RREB1: variants seen among roughly 807,000 people sequenced by gnomAD.
RREB1 encodes the protein ras responsive element binding protein 1, also known as ras-responsive element-binding protein 1.
Under a neutral mutation model 117.8 loss-of-function variants are expected in RREB1, and 27 were observed. The observed-to-expected ratio is 0.23, with a 90% CI of 0.17 to 0.32. The LOEUF is 0.32. Among genes scored for constraint, RREB1 ranks in the 10% least tolerant of loss-of-function variants. RREB1 has a pLI of 1.00. For synonymous variants in RREB1, 1,298 were observed against 1,026.7 expected (o/e 1.26, Z -5.05); for missense variants, 2,577 against 2,378.2 (o/e 1.08, Z -1.74).
At chr6:7,145,686 G>A (rs1297422777) in intron 1 of RREB1, among the ~76,000 whole-genome samples, 1 of 151,768 alleles carries the variant, frequency 6.6e-6, no homozygotes, top group Non-Finnish European at 1.5e-5. Context: ...AGAATTGGGA[G>A]ATGGAGAGGG....
intron 1 of RREB1, among the ~76,000 whole-genome samples, chr6:7,122,006 G>A (rs543601201): frequency 6.6e-6 from 1 of 152,316 alleles, no homozygotes; most frequent in East Asian, 1.9e-4. Flanking sequence ...TCACTTGGAT[G>A]CATGGCCCAT....
intron 2 of RREB1, among the ~76,000 whole-genome samples, chr6:7,178,871 A>G (rs1275356854): frequency 1.3e-5 from 2 of 152,226 alleles, no homozygotes; most frequent in Non-Finnish European, 2.9e-5. Context: ...TTTAGCAAAT[A>G]TCTTCCTGTC....
At chr6:7,157,767 A>G (rs534034709) in intron 1 of RREB1, among the ~76,000 whole-genome samples, 19 of 144,856 alleles carry the variant, frequency 1.3e-4, no homozygotes, top group South Asian at 6.6e-4. Context: ...TCTCTTTGGG[A>G]AAAAAAAAAA....
chr6:7,121,371 C>G (rs145730528), intron 1 of RREB1, among the ~76,000 whole-genome samples: 1 of 152,168 alleles, frequency 6.6e-6, no homozygotes, highest in Non-Finnish European at 1.5e-5. Context: ...CTAGGACTCT[C>G]ACAGTGGCTC....
chr6:7,167,143 A>C (rs923023210), intron 1 of RREB1, among the ~76,000 whole-genome samples: 11 of 152,182 alleles, frequency 7.2e-5, no homozygotes, highest in African/African-American at 2.4e-4. Flanking sequence ...TGTGGCAGCC[A>C]GTAGTGTGTA....
chr6:7,223,252 C>CT (rs916738508), intron 8 of RREB1, among the ~76,000 whole-genome samples: 28 of 94,574 alleles, frequency 3.0e-4, no homozygotes, highest in East Asian at 8.8e-4. Context: ...GCAAGACTCT[C>CT]TTTTTAAAAA....
chr6:7,163,873 G>A (rs556957511), intron 1 of RREB1, among the ~76,000 whole-genome samples: 2 of 152,346 alleles, frequency 1.3e-5, no homozygotes, highest in East Asian at 3.9e-4. Context: ...TGTTTCGCAA[G>A]TTTTCTATTT....
At chr6:7,191,651 A>G (rs1182247054) in intron 6 of RREB1, among the ~76,000 whole-genome samples, 1 of 152,216 alleles carries the variant, frequency 6.6e-6, no homozygotes, top group Non-Finnish European at 1.5e-5. Context: ...ATTTCTTTCA[A>G]CGTCTCATAG....
intron 12 of RREB1, 151 bp from the exon 13 acceptor site, chr6:7,248,360 T>C: frequency 1.6e-6 from 1 of 642,040 alleles, no homozygotes. Flanking sequence ...GTCCTCAGTT[T>C]GCTGGTTCAA....
intron 1 of RREB1, among the ~76,000 whole-genome samples, chr6:7,156,630 C>T (rs1175702679): frequency 6.6e-6 from 1 of 152,168 alleles, no homozygotes; most frequent in East Asian, 1.9e-4. Flanking sequence ...AGACCTGGTG[C>T]CCTTGGTATT....
chr6:7,185,175 C>G (rs377459973), intron 4 of RREB1: 1 of 152,200 alleles, frequency 6.6e-6, no homozygotes, highest in East Asian at 1.9e-4. Context: ...GTTTTTTCCA[C>G]TATCTCTAGG....
chr6:7,216,649 T>C (rs967397543), intron 8 of RREB1: 6 of 152,358 alleles, frequency 3.9e-5, no homozygotes, highest in African/African-American at 4.8e-5. Context: ...AGACTCCTCA[T>C]GTACCCGGGA....
intron 5 of RREB1, among the ~76,000 whole-genome samples, chr6:7,188,077 G>A (rs1765179921): frequency 6.6e-6 from 1 of 152,174 alleles, no homozygotes; most frequent in African/African-American, 2.4e-5. Flanking sequence ...GCTGAGACAG[G>A]AGAATCACTT....
chr6:7,244,330 T>G (rs1203636207), intron 11 of RREB1, among the ~76,000 whole-genome samples: 6 of 151,462 alleles, frequency 4.0e-5, no homozygotes. Flanking sequence ...CTCAGCACTT[T>G]GGGAGGCCAA....
In RREB1 at chr6:7,146,626, C is replaced by T. The variant is rs191176521; in HGVS notation, c.-284-30029C>T. 8.1e-4 allele frequency among the ~76,000 whole-genome samples: 124 copies of T among 152,174 alleles called. 1 individual carries two copies. The highest frequency in any genetic ancestry group is 1.2e-3 in the Admixed American group (19 of 15,282). On this transcript the variant is annotated intron_variant, in intron 1 of 12. Coordinates refer to ENST00000379938, the MANE Select transcript of RREB1 (RefSeq NM_001003699.4). ...GCTTCGTGTTTGTGTCCATTCACTC[C>T]GTAAACATACCATATATAGTCATGT...
chr6:7,172,545 G>C (rs1376207515), intron 1 of RREB1, among the ~76,000 whole-genome samples: 1 of 152,176 alleles, frequency 6.6e-6, no homozygotes, highest in Non-Finnish European at 1.5e-5. Flanking sequence ...ACCATGCCCA[G>C]CTCTCCCCAA....
At position 7,206,347 on chromosome 6, in the gene RREB1, G is replaced by C. The variant is rs1766270684; in HGVS notation, c.426-4457G>C. Among the ~76,000 whole-genome samples, 3 of 152,208 alleles carry C rather than the reference G, an allele frequency of 2.0e-5. No homozygotes were observed. The South Asian group carries it at 6.2e-4, about 32-fold the overall frequency. ...TTTGCTCACACCAAATTCTAGCAAGGCAAGTTATAAGATGTCCTGGAACCT... is the reference window on the plus strand; with the variant it reads ...TTTGCTCACACCAAATTCTAGCAAGCCAAGTTATAAGATGTCCTGGAACCT... On this transcript the variant is annotated intron_variant, in intron 6 of 12. Coordinates refer to ENST00000379938, the MANE Select transcript of RREB1 (RefSeq NM_001003699.4).
At chr6:7,222,182 A>G (rs1767300866) in intron 8 of RREB1, among the ~76,000 whole-genome samples, 1 of 152,168 alleles carries the variant, frequency 6.6e-6, no homozygotes, top group Non-Finnish European at 1.5e-5. Context: ...CACCTAACTC[A>G]CTATATTTTC....
intron 4 of RREB1, 69 bp downstream of exon 4, chr6:7,182,151 A>C: frequency 1.4e-5 from 19 of 1,373,356 alleles, no homozygotes; most frequent in Non-Finnish European, 1.7e-5. Flanking sequence ...GATGTTTCCG[A>C]GTTTCCTATG....
Sources: gnomAD v4.1 joint callset for allele counts (sites outside exome capture counted in the v4.1 genomes callset) on GRCh38, gnomAD v4.1.1 for gene constraint, MANE v1.5 for transcripts, NCBI Gene and HGNC (gene_info 2026-07-23, HGNC 2026-07-21) for gene names.